CDH18: variants seen among roughly 807,000 people sequenced by gnomAD.
The protein encoded by CDH18 is cadherin 18.
CDH18 carries 31 observed loss-of-function variants against 67.9 expected under a neutral mutation model. The observed-to-expected ratio is 0.46, with a 90% confidence interval of 0.34 to 0.62. The LOEUF (loss-of-function observed/expected upper bound fraction) is 0.62, where lower values mean the gene tolerates loss of function less well. Among genes scored for constraint, CDH18 ranks in the 20% least tolerant of loss-of-function variants. The pLI is 0.01. For synonymous variants in CDH18, 362 were observed against 347.2 expected (o/e 1.04, Z -0.48); for missense variants, 890 against 975.5 (o/e 0.91, Z 1.17).
At chr5:19,828,109 A>C (rs1239174830) in intron 3 of CDH18, among the ~76,000 whole-genome samples, 1 of 152,174 alleles carries the variant, frequency 6.6e-6, no homozygotes, top group Non-Finnish European at 1.5e-5. Context: ...ATGCACACAA[A>C]CTAGACAACC....
intron 1 of CDH18, among the ~76,000 whole-genome samples, chr5:20,375,452 A>G (rs548433213): frequency 5.3e-5 from 8 of 152,290 alleles, no homozygotes; most frequent in African/African-American, 1.7e-4. Flanking sequence ...TCACGTAGAA[A>G]GTGGTGGTGG....
upstream of CDH18, among the ~76,000 whole-genome samples, chr5:19,993,091 G>A (rs1800073276): frequency 6.6e-6 from 1 of 152,096 alleles, no homozygotes; most frequent in Non-Finnish European, 1.5e-5. Flanking sequence ...CCTTAACAGA[G>A]CCAGTATATT....
chr5:20,519,968 T>A (rs1296892230), intron 1 of CDH18, among the ~76,000 whole-genome samples: 2 of 114,582 alleles, frequency 1.7e-5, no homozygotes, highest in African/African-American at 7.5e-5. Flanking sequence ...TTTTTTTTTT[T>A]TTTTTTTTTT....
At position 19,687,118 on chromosome 5, in the gene CDH18, T is replaced by C. The variant is rs1052003333; in HGVS notation, c.643+34229A>G. ...TGATCAGCTGGGAGCCTGGAAAGGCTCCCCACTGTGTGGAGCAGTTCCAGA... is the reference window on the plus strand; with the variant it reads ...TGATCAGCTGGGAGCCTGGAAAGGCCCCCCACTGTGTGGAGCAGTTCCAGA... On this transcript the variant is annotated intron_variant, in intron 5 of 12. Coordinates refer to ENST00000382275, the MANE Select transcript of CDH18 (RefSeq NM_004934.5). 5.3e-5 allele frequency among the ~76,000 whole-genome samples: 8 copies of C among 152,158 alleles called. No individual in the cohort carries two copies. In the East Asian group the frequency reaches 1.2e-3, roughly 22 times the overall value.
chr5:19,836,371 T>C (rs1261704918), intron 3 of CDH18, among the ~76,000 whole-genome samples: 3 of 152,158 alleles, frequency 2.0e-5, no homozygotes, highest in African/African-American at 7.2e-5. Context: ...TACCTGGCAT[T>C]AGATGGTATT....
chr5:20,217,329 T>C (rs1740861281), intron 2 of CDH18, among the ~76,000 whole-genome samples: 1 of 151,804 alleles, frequency 6.6e-6, no homozygotes, highest in Non-Finnish European at 1.5e-5. Flanking sequence ...TTTGAATACA[T>C]AAACAATACA....
intron 2 of CDH18, among the ~76,000 whole-genome samples, chr5:19,994,950 C>A (rs185274744): frequency 5.3e-5 from 8 of 149,584 alleles, no homozygotes; most frequent in Non-Finnish European, 1.5e-5. Flanking sequence ...TCTGCGCCTG[C>A]AAGCTGGAGG....
chr5:19,478,020 A>T (rs1042868413), intron 12 of CDH18, among the ~76,000 whole-genome samples: 4 of 152,198 alleles, frequency 2.6e-5, no homozygotes, highest in African/African-American at 7.2e-5. Context: ...TGAGATTATC[A>T]TTTTATATTA....
chr5:20,351,183 T>C (rs1170785269), intron 1 of CDH18, among the ~76,000 whole-genome samples: 30 of 143,904 alleles, frequency 2.1e-4, no homozygotes, highest in African/African-American at 7.2e-4. Context: ...TGTGTGTGTG[T>C]GTGTGTGTGC....
chr5:20,461,195 A>G (rs527739988), intron 1 of CDH18, among the ~76,000 whole-genome samples: 1 of 152,260 alleles, frequency 6.6e-6, no homozygotes, highest in East Asian at 1.9e-4. Flanking sequence ...TCCTCAGAGC[A>G]TGAGCGTCCT....
intron 5 of CDH18, among the ~76,000 whole-genome samples, chr5:19,666,353 C>T (rs950766364): frequency 6.6e-5 from 10 of 151,138 alleles, no homozygotes; most frequent in South Asian, 4.2e-4. Context: ...AGCAATCCTC[C>T]TGCTTTGGCC....
chr5:20,075,672 T>C (rs1331462314), intron 2 of CDH18, among the ~76,000 whole-genome samples: 2 of 152,190 alleles, frequency 1.3e-5, no homozygotes, highest in Non-Finnish European at 2.9e-5. Flanking sequence ...AGGAGAAGGC[T>C]AAGTGTTTGT....
At chr5:19,972,583 G>C (rs1798129620) in intron 2 of CDH18, among the ~76,000 whole-genome samples, 1 of 151,820 alleles carries the variant, frequency 6.6e-6, no homozygotes, top group African/African-American at 2.4e-5. Context: ...TATAGCAGGG[G>C]AATAATACAA....
intron 1 of CDH18, among the ~76,000 whole-genome samples, chr5:20,419,267 C>T (rs1436849703): frequency 6.6e-6 from 1 of 151,922 alleles, no homozygotes; most frequent in Non-Finnish European, 1.5e-5. Context: ...CTCTGTAAGT[C>T]CAATTAAACC....
intron 1 of CDH18, among the ~76,000 whole-genome samples, chr5:20,438,379 CTAAA>C (rs1219780685): frequency 6.6e-6 from 1 of 151,096 alleles, no homozygotes; most frequent in Non-Finnish European, 1.5e-5. Flanking sequence ...CCCCACATCT[CTAAA>C]TAAACTTATT....
chr5:20,218,700 T>C (rs949524065), intron 2 of CDH18, among the ~76,000 whole-genome samples: 1 of 152,012 alleles, frequency 6.6e-6, no homozygotes, highest in Non-Finnish European at 1.5e-5. Flanking sequence ...TATCAAGGGT[T>C]TCCACTTTTG....
At chr5:19,508,581 A>T (rs1744604578) in intron 10 of CDH18, among the ~76,000 whole-genome samples, 1 of 151,326 alleles carries the variant, frequency 6.6e-6, no homozygotes, top group Non-Finnish European at 1.5e-5. Flanking sequence ...GTGAAAAAAA[A>T]TAGACAGTTG....
At chr5:20,424,175 T>A (rs999313289) in intron 1 of CDH18, among the ~76,000 whole-genome samples, 7 of 150,720 alleles carry the variant, frequency 4.6e-5, no homozygotes, top group Admixed American at 4.6e-4. Context: ...AATAAGGAAT[T>A]TTTATTCAGG....
At chr5:20,425,393 C>T (rs947722583) in intron 1 of CDH18, among the ~76,000 whole-genome samples, 1 of 148,274 alleles carries the variant, frequency 6.7e-6, no homozygotes, top group Non-Finnish European at 1.5e-5. Context: ...AAAAATAAGG[C>T]AATATAAACT....
Sources: gnomAD v4.1 joint callset for allele counts (sites outside exome capture counted in the v4.1 genomes callset) on GRCh38, gnomAD v4.1.1 for gene constraint, MANE v1.5 for transcripts, NCBI Gene and HGNC (gene_info 2026-07-23, HGNC 2026-07-21) for gene names.